Variants in SOX5 observed in about 807,000 individuals in gnomAD.
SOX5 encodes the protein transcription factor SOX-5.
Under a neutral mutation model 92.0 loss-of-function variants are expected in SOX5, and 9 were observed. The observed-to-expected ratio is 0.10, with a 90% CI of 0.06 to 0.17. The LOEUF (loss-of-function observed/expected upper bound fraction) is 0.17, where lower values mean the gene tolerates loss of function less well. Ranked by LOEUF, SOX5 falls within the 10% of genes least tolerant of loss-of-function variation. SOX5 has a pLI of 1.00. For missense variants in SOX5, 642 were observed against 944.5 expected (o/e 0.68, Z 4.20); for synonymous variants, 344 against 336.3 (o/e 1.02, Z -0.25).
intron 1 of SOX5, among the ~76,000 whole-genome samples, chr12:23,940,900 C>T (rs948455738): frequency 2.0e-5 from 3 of 151,244 alleles, no homozygotes; most frequent in African/African-American, 4.8e-5. Flanking sequence ...ATTCACCCAA[C>T]GTCTTCGGTT....
intron 2 of SOX5, among the ~76,000 whole-genome samples, chr12:23,893,438 C>T (rs962097482): frequency 6.6e-6 from 1 of 150,916 alleles, no homozygotes; most frequent in Non-Finnish European, 1.5e-5. Context: ...GGGCGGGACT[C>T]CATCTCAAAA....
chr12:24,076,815 T>TA (rs1480308521), intron 4 of SOX5, among the ~76,000 whole-genome samples: 123 of 150,928 alleles, frequency 8.1e-4, no homozygotes, highest in African/African-American at 2.7e-3. Flanking sequence ...AATTTTTTCT[T>TA]AAAAAAAATA....
intron 3 of SOX5, among the ~76,000 whole-genome samples, chr12:23,825,969 G>T (rs991347928): frequency 7.2e-5 from 11 of 151,964 alleles, no homozygotes; most frequent in Non-Finnish European, 1.3e-4. Context: ...AAGTGAAAAG[G>T]CTGTGTCAAA....
chr12:23,658,094 A>T (rs1164081633), intron 7 of SOX5, among the ~76,000 whole-genome samples: 1 of 152,208 alleles, frequency 6.6e-6, no homozygotes, highest in Non-Finnish European at 1.5e-5. Context: ...ATCAGTTATC[A>T]TCTCACAGTT....
chr12:24,307,448 GGAAAGGAA>G lies in SOX5; in HGVS notation c.-173-30144_-173-30137del, dbSNP rs1432973216. Among the ~76,000 whole-genome samples the G allele has an allele frequency of 6.5e-4, 91 of 140,148 alleles. No homozygotes were observed. The East Asian group carries it at 0.012, about 19-fold the overall frequency. The allele number at this position is 140,148 out of a possible 152,430, so 91.9% of individuals were successfully genotyped here. A position where few individuals can be genotyped will look rare whatever the true frequency, so the allele number is the denominator to read the frequency against. ...CTTTCTCATTTAGTACTGTATAGCT[GGAAAGGAA>G]GGAAGGAAGGAAGGAAGGAAGGAAG... On this transcript the variant is annotated intron_variant, in intron 2 of 4. Coordinates refer to the SOX5 transcript ENST00000446891.
At chr12:24,355,960 AT>A in intron 2 of SOX5, among the ~76,000 whole-genome samples, 1 of 152,246 alleles carries the variant, frequency 6.6e-6, no homozygotes, top group Non-Finnish European at 1.5e-5. Context: ...TTTTTAAAAA[AT>A]AGAAAGATGC....
chr12:24,199,581 T>C (rs960374390), intron 4 of SOX5, among the ~76,000 whole-genome samples: 2 of 152,150 alleles, frequency 1.3e-5, no homozygotes, highest in Non-Finnish European at 2.9e-5. Flanking sequence ...TCCCAGCAGA[T>C]TGTGCTGGGT....
At chr12:24,086,952 A>G (rs1944067507) in intron 4 of SOX5, among the ~76,000 whole-genome samples, 1 of 152,114 alleles carries the variant, frequency 6.6e-6, no homozygotes, top group Admixed American at 6.6e-5. Context: ...GAATGTACCA[A>G]TCAAAAAGAG....
At chr12:24,029,750 G>A (rs1423614186) in intron 4 of SOX5, among the ~76,000 whole-genome samples, 1 of 151,928 alleles carries the variant, frequency 6.6e-6, no homozygotes, top group African/African-American at 2.4e-5. Flanking sequence ...GAAAGAAGAA[G>A]GAATTAGGAA....
chr12:24,316,966 A>G (rs2140867583), intron 2 of SOX5, among the ~76,000 whole-genome samples: 1 of 152,288 alleles, frequency 6.6e-6, no homozygotes, highest in Middle Eastern at 3.4e-3. Flanking sequence ...CCCTTTACCC[A>G]GGGGTCAGAA....
chr12:23,901,121 G>A (rs1163808853), intron 1 of SOX5, among the ~76,000 whole-genome samples: 14 of 152,110 alleles, frequency 9.2e-5, no homozygotes, highest in Admixed American at 9.2e-4. Flanking sequence ...TATTGTTGGT[G>A]GGTCCAAAGA....
At chr12:24,390,251 A>T (rs1044294852) in intron 1 of SOX5, among the ~76,000 whole-genome samples, 1 of 152,172 alleles carries the variant, frequency 6.6e-6, no homozygotes, top group Non-Finnish European at 1.5e-5. Flanking sequence ...GATACATTTT[A>T]CTGGGTGATT....
At chr12:23,668,046 T>G (rs778582085) in intron 6 of SOX5, among the ~76,000 whole-genome samples, 10 of 152,154 alleles carry the variant, frequency 6.6e-5, no homozygotes, top group Non-Finnish European at 1.2e-4. Flanking sequence ...GTTGGTAATT[T>G]TTTGTTTAAA....
intron 4 of SOX5, among the ~76,000 whole-genome samples, chr12:24,080,707 T>A (rs1248047390): frequency 6.6e-6 from 1 of 151,988 alleles, no homozygotes; most frequent in East Asian, 1.9e-4. Context: ...TTCTGATTGA[T>A]CTGTGTGTTT....
At chr12:24,020,113 A>C (rs1180013352) in intron 4 of SOX5, among the ~76,000 whole-genome samples, 1 of 152,166 alleles carries the variant, frequency 6.6e-6, no homozygotes, top group East Asian at 1.9e-4. Flanking sequence ...TACTCCTACA[A>C]AATTTTGACT....
intron 4 of SOX5, among the ~76,000 whole-genome samples, chr12:24,148,870 ACAGAGG>A (rs1248832994): frequency 3.5e-5 from 1 of 28,264 alleles, no homozygotes; most frequent in African/African-American, 2.3e-4. Context: ...AGCCTGGGTG[ACAGAGG>A]GAGAGGGAGA....
intron 8 of SOX5, among the ~76,000 whole-genome samples, chr12:23,617,747 C>T (rs975178097): frequency 2.0e-5 from 3 of 151,960 alleles, no homozygotes; most frequent in African/African-American, 7.3e-5. Context: ...TTTTAAAAGG[C>T]TTTCTTCATT....
intron 1 of SOX5, among the ~76,000 whole-genome samples, chr12:24,483,675 C>A (rs2137840482): frequency 6.6e-6 from 1 of 152,316 alleles, no homozygotes; most frequent in Admixed American, 6.5e-5. Context: ...CAATACCCAC[C>A]TTACCTAATT....
intron 6 of SOX5, among the ~76,000 whole-genome samples, chr12:23,703,926 G>C (rs1313994562): frequency 6.6e-6 from 1 of 151,944 alleles, no homozygotes; most frequent in Non-Finnish European, 1.5e-5. Flanking sequence ...GTAAGTATTA[G>C]TTTAATGTAT....
Sources: gnomAD v4.1 joint callset for allele counts (sites outside exome capture counted in the v4.1 genomes callset) on GRCh38, gnomAD v4.1.1 for gene constraint, MANE v1.5 for transcripts, NCBI Gene and HGNC (gene_info 2026-07-23, HGNC 2026-07-21) for gene names.